TBC1D4: variants seen among roughly 807,000 people sequenced by gnomAD.
TBC1D4 encodes the protein TBC1 domain family member 4, also known as TBC (Tre-2, BUB2, CDC16) domain-containing protein.
In TBC1D4, 121 loss-of-function variants were observed where a neutral mutation model predicts 142.5. The observed-to-expected ratio is 0.85, with a 90% confidence interval of 0.73 to 0.99. The LOEUF (loss-of-function observed/expected upper bound fraction) is 0.99, where lower values mean the gene tolerates loss of function less well. Ranked by LOEUF, TBC1D4 falls within the 50% of genes least tolerant of loss-of-function variation. The pLI is 0.00. For missense variants in TBC1D4, 1,475 were observed against 1,606.6 expected, an observed-to-expected ratio of 0.92 and a Z score of 1.40; for synonymous variants, 630 against 628.2, an observed-to-expected ratio of 1.00 and a Z score of -0.04.
chr13:75,364,865 C>T (rs745737140), intron 1 of TBC1D4, among the ~76,000 whole-genome samples: 1 of 152,166 alleles, frequency 6.6e-6, no homozygotes, highest in Non-Finnish European at 1.5e-5. Context: ...AGAAATATAG[C>T]CTGTAGCACT....
At chr13:75,380,421 C>T (rs1358000456) in intron 1 of TBC1D4, among the ~76,000 whole-genome samples, 3 of 151,528 alleles carry the variant, frequency 2.0e-5, no homozygotes, top group Non-Finnish European at 4.4e-5. Context: ...TGCAGTGGGC[C>T]GCGATCACGC....
intron 1 of TBC1D4, among the ~76,000 whole-genome samples, chr13:75,470,772 G>A (rs1888363855): frequency 6.6e-6 from 1 of 152,152 alleles, no homozygotes. Context: ...GATCACCTGA[G>A]GTCAGGAGTT....
chr13:75,326,508 G>A lies in TBC1D4; in HGVS notation c.1807-85C>T, dbSNP rs556976183. 2,445 of 1,384,550 alleles carry A rather than the reference G, an allele frequency of 1.8e-3. 3 individuals are homozygous for A. The highest frequency in any genetic ancestry group is 2.3e-3 in the Non-Finnish European group (2,206 of 978,826). The allele number at this position is 1,384,550 out of a possible 1,614,324, so 85.8% of individuals were successfully genotyped here. A position where few individuals can be genotyped will look rare whatever the true frequency, so the allele number is the denominator to read the frequency against. ...AAACACAGAGCTCAAAAGTGACAGT[G>A]TGCCTCATCTTCCTCCTGAGTCATG... is the stretch of plus-strand genomic sequence containing the variant. On this transcript the variant is annotated intron_variant, in intron 9 of 20. Transcript: ENST00000377636.
At position 75,326,441 on chromosome 13, in the gene TBC1D4, G is replaced by C. The variant is rs1879270046; in HGVS notation, c.1807-18C>G. 6.2e-7 allele frequency: 1 copy of C among 1,613,622 alleles called. No individual in the cohort carries two copies. The highest frequency in any genetic ancestry group is 8.5e-7 in the Non-Finnish European group (1 of 1,179,684). On this transcript the variant is annotated intron_variant, in intron 9 of 20. Coordinates refer to ENST00000377636, the MANE Select transcript of TBC1D4 (RefSeq NM_014832.5). The stretch of plus-strand genomic sequence containing the variant: ...GAGTAGTCCTGAAACACAAGCGGAA[G>C]GGAGCCCTTTATTTCCCACGTGGGT...
intron 5 of TBC1D4, among the ~76,000 whole-genome samples, chr13:75,346,686 T>C (rs520295): frequency 0.46 from 69,284 of 152,066 alleles, 16,249 homozygotes; most frequent in East Asian, 0.67. Context: ...CTGGATCAAA[T>C]GGTATTTCTG....
In TBC1D4 at chr13:75,351,348, A is replaced by ATC. The variant is rs1272456544; in HGVS notation, c.1276-2047_1276-2046insGA. ...AAAAATTTAAATTTTTAAATTATCC[A>ATC]ATAAAGAATGGCATCAATCCTATTT... On this transcript the variant is annotated intron_variant, in intron 4 of 20. Transcript: ENST00000377636. 6.6e-5 allele frequency among the ~76,000 whole-genome samples: 10 copies of ATC among 152,290 alleles called. No homozygotes were observed. In the East Asian group the frequency reaches 1.7e-3, roughly 26 times the overall value.
At chr13:75,466,568 G>A (rs1206612436) in intron 1 of TBC1D4, among the ~76,000 whole-genome samples, 2 of 152,010 alleles carry the variant, frequency 1.3e-5, no homozygotes, top group African/African-American at 4.8e-5. Context: ...TAGTAGCGTG[G>A]CTTTTAAAAA....
intron 1 of TBC1D4, among the ~76,000 whole-genome samples, chr13:75,410,796 C>T (rs1885609627): frequency 6.6e-6 from 1 of 150,508 alleles, no homozygotes; most frequent in South Asian, 2.1e-4. Flanking sequence ...ATTAGCCGGG[C>T]GTGGTAGCGG....
At chr13:75,288,044 C>G (rs1001268759) in intron 20 of TBC1D4, among the ~76,000 whole-genome samples, 2 of 152,062 alleles carry the variant, frequency 1.3e-5, no homozygotes, top group Non-Finnish European at 2.9e-5. Context: ...TTGCAAATAC[C>G]GAATATGACT....
chr13:75,410,077 A>T (rs2138392520), intron 1 of TBC1D4, among the ~76,000 whole-genome samples: 1 of 152,238 alleles, frequency 6.6e-6, no homozygotes, highest in African/African-American at 2.4e-5. Flanking sequence ...AAATAACAGC[A>T]CTCTCAGAGT....
intron 1 of TBC1D4, among the ~76,000 whole-genome samples, chr13:75,446,455 T>C (rs967441257): frequency 3.3e-5 from 5 of 152,118 alleles, no homozygotes; most frequent in African/African-American, 1.2e-4. Flanking sequence ...ATTAATAAAA[T>C]AGAAATGGAA....
At chr13:75,341,291 T>G in intron 6 of TBC1D4, 56 bp from the exon 7 acceptor site, 1 of 1,517,382 alleles carries the variant, frequency 6.6e-7, no homozygotes, top group South Asian at 1.1e-5. Flanking sequence ...CCTCCTTTTA[T>G]TCTGTCGGGC....
rs1256655481 is a variant in TBC1D4 at position 75,284,244 on chromosome 13, A to G, written c.*2548T>C. Among the ~76,000 whole-genome samples the G allele has an allele frequency of 6.6e-6, 1 of 152,138 alleles. No individual in the cohort carries two copies. Among genetic ancestry groups the G allele is most frequent in the Non-Finnish European group, 1.5e-5 (1 of 68,010 alleles). On this transcript the variant is annotated 3_prime_UTR_variant, in exon 21 of 21. Coordinates refer to ENST00000377636, the MANE Select transcript of TBC1D4 (RefSeq NM_014832.5). ...CAGGGGATGGTTTCAGGATGATTCA[A>G]TGATTCAAGCACATTTATTGTGCAC...
chr13:75,350,394 A>G (rs1593773148), intron 4 of TBC1D4, among the ~76,000 whole-genome samples: 1 of 152,232 alleles, frequency 6.6e-6, no homozygotes, highest in African/African-American at 2.4e-5. Context: ...TTCTGAAAGA[A>G]GAGATCAAAC....
intron 8 of TBC1D4, among the ~76,000 whole-genome samples, chr13:75,333,095 T>A (rs1276101908): frequency 6.6e-6 from 1 of 152,226 alleles, no homozygotes; most frequent in Non-Finnish European, 1.5e-5. Flanking sequence ...TACCACTCAT[T>A]TGCCTCTTTA....
At chr13:75,453,645 T>C (rs369002769) in intron 1 of TBC1D4, among the ~76,000 whole-genome samples, 11 of 152,116 alleles carry the variant, frequency 7.2e-5, no homozygotes, top group African/African-American at 2.7e-4. Flanking sequence ...GTGAATCACT[T>C]GAGGTCAGGT....
intron 3 of TBC1D4, among the ~76,000 whole-genome samples, chr13:75,356,995 C>G (rs1368240644): frequency 6.6e-6 from 1 of 152,140 alleles, no homozygotes; most frequent in Non-Finnish European, 1.5e-5. Context: ...CCCAAATCAC[C>G]TAAATCCAAG....
chr13:75,458,218 T>C (rs1003864270), intron 1 of TBC1D4, among the ~76,000 whole-genome samples: 4 of 152,022 alleles, frequency 2.6e-5, no homozygotes, highest in African/African-American at 4.8e-5. Context: ...GATGGGGAGC[T>C]GGAAAGAGGA....
intron 1 of TBC1D4, among the ~76,000 whole-genome samples, chr13:75,426,176 T>G (rs1196832809): frequency 1.3e-5 from 2 of 152,124 alleles, no homozygotes; most frequent in African/African-American, 4.8e-5. Flanking sequence ...CCGACAGGGA[T>G]ATGAAAAGAT....
Sources: allele counts gnomAD v4.1 joint callset (sites outside exome capture counted in the v4.1 genomes callset), GRCh38; gene constraint gnomAD v4.1.1; transcripts MANE v1.5; gene names NCBI Gene and HGNC (gene_info 2026-07-23, HGNC 2026-07-21).